Variants in TEX14 observed in about 807,000 individuals in gnomAD.
TEX14 encodes testis expressed 14, intercellular bridge forming factor, also known as inactive serine/threonine-protein kinase TEX14.
A neutral mutation model predicts 178.6 loss-of-function variants in TEX14; 168 were observed. That is an observed-to-expected ratio of 0.94 (90% CI 0.83 to 1.07). The LOEUF is 1.07. Ranked by LOEUF, TEX14 falls within the 50% of genes least tolerant of loss-of-function variation. The pLI, the probability that TEX14 is intolerant of heterozygous loss-of-function variation, is 0.00. For missense variants in TEX14, 1,730 were observed against 1,753.6 expected, an observed-to-expected ratio of 0.99 and a Z score of 0.24; for synonymous variants, 626 against 634.1, an observed-to-expected ratio of 0.99 and a Z score of 0.19.
chr17:58,691,100 C>T (rs1048454591), intron 1 of TEX14, among the ~76,000 whole-genome samples: 11 of 152,122 alleles, frequency 7.2e-5, no homozygotes, highest in African/African-American at 2.6e-4. Context: ...AAGAGATCCA[C>T]CTGCCTCGAC....
chr17:58,599,076 C>T lies in TEX14; in HGVS notation c.2269G>A (p.Glu757Lys), dbSNP rs1285057092. The T allele has an allele frequency of 6.2e-7, 1 of 1,614,060 alleles. No homozygotes were observed. The highest frequency in any genetic ancestry group is 2.2e-5 in the East Asian group (1 of 44,898). Residue 757 changes from glutamate to lysine, a missense_variant, in exon 14 of 32, where the codon GAA becomes AAA. By Grantham distance (56) the Glu-to-Lys change is moderately conservative. Around this residue, in one of 2 missense-constraint regions of TEX14, gnomAD observed 941 missense variants for 1,072.4 expected, o/e 0.88. Transcript: ENST00000349033. Reference sequence around the variant, plus strand: ...TGTTCCTTCTGTTTCATCTCGACTTCATCTAATATCTGCTCGATATTCCTC... The same window carrying T: ...TGTTCCTTCTGTTTCATCTCGACTTTATCTAATATCTGCTCGATATTCCTC... The part of the protein sequence containing the change: ...RLRNIEQILD[E>K]VEMKQKEQEE...
chr17:58,662,798 G>C (rs968964810), intron 1 of TEX14, among the ~76,000 whole-genome samples: 1 of 152,142 alleles, frequency 6.6e-6, no homozygotes, highest in Admixed American at 6.5e-5. Flanking sequence ...TGTTACATAA[G>C]TTCACAAAGC....
chr17:58,691,395 G>A (rs1258427031), intron 1 of TEX14, among the ~76,000 whole-genome samples: 3 of 151,810 alleles, frequency 2.0e-5, no homozygotes, highest in East Asian at 2.0e-4. Context: ...AGGGCCGGGC[G>A]CGGTGGCTCA....
chr17:58,570,304 A>T, intron 25 of TEX14, 81 bp downstream of exon 25: 1 of 853,354 alleles, frequency 1.2e-6, no homozygotes, highest in Non-Finnish European at 1.7e-6. Context: ...GTCTGAACCT[A>T]ATGTGGCATC....
intron 1 of TEX14, among the ~76,000 whole-genome samples, chr17:58,669,105 A>T (rs1012672600): frequency 2.6e-5 from 4 of 152,186 alleles, no homozygotes; most frequent in Non-Finnish European, 5.9e-5. Context: ...TAATCCCAGC[A>T]CTTTGGGAGG....
intron 31 of TEX14, 59 bp from the exon 32 acceptor site, chr17:58,557,106 T>A: frequency 7.3e-7 from 1 of 1,362,840 alleles, no homozygotes; most frequent in Non-Finnish European, 1.1e-6. Context: ...TGTGTGTTTT[T>A]TAAAGACACA....
intron 5 of TEX14, among the ~76,000 whole-genome samples, chr17:58,620,361 G>A (rs770379504): frequency 6.6e-6 from 1 of 152,016 alleles, no homozygotes; most frequent in Non-Finnish European, 1.5e-5. Context: ...ACAGGATCTC[G>A]CTCTGTCACC....
chr17:58,680,537 T>C (rs2047483467), intron 1 of TEX14, among the ~76,000 whole-genome samples: 1 of 152,146 alleles, frequency 6.6e-6, no homozygotes, highest in Non-Finnish European at 1.5e-5. Context: ...AGGTCAGGAA[T>C]TCGAGACCAG....
intron 1 of TEX14, among the ~76,000 whole-genome samples, chr17:58,653,449 A>G (rs945464151): frequency 6.6e-6 from 1 of 152,092 alleles, no homozygotes; most frequent in African/African-American, 2.4e-5. Context: ...CCCAAAATTT[A>G]TATGTTAAAA....
chr17:58,570,416 G>A lies in TEX14; in HGVS notation c.3786C>T (p.Pro1262=). Residue 1262 remains proline, a synonymous_variant, in exon 25 of 32, where the codon CCC becomes CCT. Transcript: ENST00000349033. ...GCAGGCTCCTTCTCTGGGTGGCATG[G>A]GGTGGTGATGAGTCACATGCCTTAA... ...SLVKACDSSP[P]HATQRRSLPK... The A allele has an allele frequency of 6.6e-7, 1 of 1,520,234 alleles. No individual in the cohort carries two copies. Among genetic ancestry groups the A allele is most frequent in the Non-Finnish European group, 8.7e-7 (1 of 1,146,798 alleles). 94.2% of individuals were successfully genotyped at this position (1,520,234 alleles called of 1,614,324 possible). A position where few individuals can be genotyped will look rare whatever the true frequency, so the allele number is the denominator to read the frequency against.
At chr17:58,658,701 G>A (rs538697142) in intron 1 of TEX14, among the ~76,000 whole-genome samples, 2 of 151,894 alleles carry the variant, frequency 1.3e-5, no homozygotes, top group Admixed American at 6.6e-5. Flanking sequence ...CATCCCACCA[G>A]AACAAAAGGC....
At chr17:58,558,187 G>A (rs201908091) in intron 30 of TEX14, among the ~76,000 whole-genome samples, 6 of 152,296 alleles carry the variant, frequency 3.9e-5, no homozygotes, top group East Asian at 3.9e-4. Flanking sequence ...ATGTACCCAC[G>A]GCTGGTTCAA....
intron 18 of TEX14, among the ~76,000 whole-genome samples, chr17:58,584,876 A>G (rs756207555): frequency 2.0e-5 from 3 of 152,246 alleles, no homozygotes; most frequent in Non-Finnish European, 4.4e-5. Flanking sequence ...TTTCTGCCTA[A>G]GACAAATGAC....
chr17:58,641,419 CAAAAA>C (rs918098059), intron 2 of TEX14, among the ~76,000 whole-genome samples: 25 of 149,656 alleles, frequency 1.7e-4, no homozygotes, highest in Non-Finnish European at 2.5e-4. Context: ...CAAAACAAAA[CAAAAA>C]AAAAGTAGCC....
In TEX14 at chr17:58,681,674, A is replaced by C. The variant is rs753102921; in HGVS notation, c.-2+10265T>G. On this transcript the variant is annotated intron_variant, in intron 1 of 31. Transcript: ENST00000349033. Reference sequence around the variant, plus strand: ...AGACCAGCCTGGCAAACATGGTGAAACCTTGTCTCTACTAAAAATACAAAA... The same window carrying C: ...AGACCAGCCTGGCAAACATGGTGAACCCTTGTCTCTACTAAAAATACAAAA... Among the ~76,000 whole-genome samples the C allele has an allele frequency of 9.7e-4, 147 of 151,876 alleles. 1 individual carries two copies. Among genetic ancestry groups the C allele is most frequent in the Admixed American group, 2.6e-3 (39 of 15,214 alleles).
chr17:58,678,694 G>A (rs902813999), intron 1 of TEX14, among the ~76,000 whole-genome samples: 1 of 151,980 alleles, frequency 6.6e-6, no homozygotes, highest in Non-Finnish European at 1.5e-5. Context: ...GAAACGGGGA[G>A]GGATAGCATT....
chr17:58,640,010 C>T (rs947031575), intron 2 of TEX14, among the ~76,000 whole-genome samples: 1 of 152,054 alleles, frequency 6.6e-6, no homozygotes, highest in South Asian at 2.1e-4. Context: ...TGCTGGTATA[C>T]ATAATGGTAA....
intron 3 of TEX14, among the ~76,000 whole-genome samples, chr17:58,629,477 A>G (rs1164617402): frequency 1.4e-5 from 2 of 147,632 alleles, no homozygotes; most frequent in Admixed American, 6.8e-5. Context: ...AAAAAAAAAA[A>G]GTAGATGTTC....
At chr17:58,683,937 T>C (rs1404351468) in intron 1 of TEX14, among the ~76,000 whole-genome samples, 5 of 136,700 alleles carry the variant, frequency 3.7e-5, no homozygotes, top group East Asian at 4.5e-4. Flanking sequence ...TGGTGGTGCA[T>C]CCCTGTCATC....
Sources: gnomAD v4.1 joint callset for allele counts (sites outside exome capture counted in the v4.1 genomes callset) on GRCh38, gnomAD v4.1.1 for gene constraint, gnomAD v4.1.1 regional missense constraint, MANE v1.5 for transcripts, NCBI Gene and HGNC (gene_info 2026-07-23, HGNC 2026-07-21) for gene names.